The following EIF3F variants were observed in gnomAD, a reference collection of about 807,000 sequenced individuals.
The protein encoded by EIF3F is eukaryotic translation initiation factor 3 subunit F, also known as deubiquitinating enzyme eIF3f.
Under a neutral mutation model 36.0 loss-of-function variants are expected in EIF3F, and 8 were observed. That is an observed-to-expected ratio of 0.22 (90% CI 0.13 to 0.40). The LOEUF (loss-of-function observed/expected upper bound fraction) is 0.40. EIF3F is among the 10% of genes least tolerant of loss of function. The pLI, the probability that EIF3F is intolerant of heterozygous loss-of-function variation, is 1.00. For missense variants in EIF3F, 430 were observed against 467.6 expected (o/e 0.92, Z 0.74); for synonymous variants, 184 against 188.5 (o/e 0.98, Z 0.19).
rs1407022591 is a variant in EIF3F at position 7,987,385 on chromosome 11, T to C, written c.33T>C (p.Pro11=). The part of the protein sequence containing the change: MATPAVPVSA[P]PATPTPVPAA... ...CACCGGCGGTACCAGTAAGTGCTCC[T>C]CCGGCCACGCCAACCCCAGTCCCGG... The change falls in exon 1 of 8, where the codon CCT becomes CCC. Residue 11 remains proline, a synonymous_variant. Coordinates refer to ENST00000651655, the MANE Select transcript of EIF3F (RefSeq NM_003754.3). 2 of 1,598,894 alleles carry C rather than the reference T, an allele frequency of 1.3e-6. No individual in the cohort carries two copies. Among genetic ancestry groups the C allele is most frequent in the Non-Finnish European group, 8.5e-7 (1 of 1,178,954 alleles).
chr11:7,992,686 C>G, intron 3 of EIF3F: 2 of 673,032 alleles, frequency 3.0e-6, no homozygotes, highest in Non-Finnish European at 5.1e-6. Context: ...TTGTAAGTGA[C>G]TTGGAATTTT....
In EIF3F at chr11:7,997,108, G is replaced by T. The variant is rs1426821095; in HGVS notation, c.*1086G>T. The T allele has an allele frequency of 6.6e-6, 1 of 152,208 alleles. No homozygotes were observed. Among genetic ancestry groups the T allele is most frequent in the African/African-American group, 2.4e-5 (1 of 41,452 alleles). 9.4% of individuals were successfully genotyped at this position (152,208 alleles called of 1,614,324 possible). ...ACCCCAGCCTGGAACTCAGTTCTGA[G>T]ATATGTACCTCAGGAAATATAAGTT... On this transcript the variant is annotated 3_prime_UTR_variant, in exon 8 of 8. Coordinates refer to ENST00000651655, the MANE Select transcript of EIF3F (RefSeq NM_003754.3).
rs867715769 is a variant in EIF3F, at chr11:7,989,448, T to C, written c.364+1732T>C. Among the ~76,000 whole-genome samples the C allele has an allele frequency of 2.0e-5, 3 of 152,236 alleles. No homozygotes were observed. The South Asian group carries it at 6.2e-4, about 31-fold the overall frequency. On this transcript the variant is annotated intron_variant, in intron 1 of 7. Transcript: ENST00000651655. ...GCTATAGGTGTTATAGAGGCAATAC[T>C]TACAGAAGAATAAAGAATAGATTCT...
At chr11:7,995,144 G>C (rs202081105) in intron 6 of EIF3F, 26 bp downstream of exon 6, 683 of 1,612,274 alleles carry the variant, frequency 4.2e-4, no homozygotes, top group Middle Eastern at 1.6e-3. Context: ...AAAAACAAAG[G>C]GGGAGGACAT....
At chr11:7,992,725 T>G in intron 3 of EIF3F, 162 bp from the exon 4 acceptor site, 1 of 860,864 alleles carries the variant, frequency 1.2e-6, no homozygotes, top group Non-Finnish European at 1.8e-6. Flanking sequence ...CCTTTGATTT[T>G]ATTTGACATA....
At position 7,997,670 on chromosome 11, in the gene EIF3F, A is replaced by G. The variant is rs999296436; in HGVS notation, c.*1648A>G. 3 of 152,200 alleles carry G rather than the reference A, an allele frequency of 2.0e-5. No homozygotes were observed. The highest frequency in any genetic ancestry group is 4.4e-5 in the Non-Finnish European group (3 of 68,032). 9.4% of individuals were successfully genotyped at this position (152,200 alleles called of 1,614,324 possible). On this transcript the variant is annotated 3_prime_UTR_variant, in exon 8 of 8. Coordinates refer to ENST00000651655, the MANE Select transcript of EIF3F (RefSeq NM_003754.3). Reference sequence around the variant, plus strand: ...TGAGTAACAATATAGGTGAATGTTAATAATAATGTTGAATGAAAAAAGCTG... The same window carrying G: ...TGAGTAACAATATAGGTGAATGTTAGTAATAATGTTGAATGAAAAAAGCTG...
rs751012517 is a variant in EIF3F at position 7,992,867 on chromosome 11, CACT to C, written c.516-19_516-17del. ...ACGCCACATATAGACAGGAGTCCACCACTGTGTTCCATTTCACAGGTACGCTAC... is the reference window on the plus strand; with the variant it reads ...ACGCCACATATAGACAGGAGTCCACCGTGTTCCATTTCACAGGTACGCTAC... On this transcript the variant is annotated splice_polypyrimidine_tract_variant and intron_variant, in intron 3 of 7. Transcript: ENST00000651655. 2 of 1,613,734 alleles carry C rather than the reference CACT, an allele frequency of 1.2e-6. No individual in the cohort carries two copies. The highest frequency in any genetic ancestry group is 1.1e-5 in the South Asian group (1 of 91,068).
rs1942157089 is a variant in EIF3F at position 7,996,128 on chromosome 11, T to C, written c.*106T>C. 1.0e-6 allele frequency: 1 copy of C among 971,994 alleles called. No homozygotes were observed. Among genetic ancestry groups the C allele is most frequent in the Non-Finnish European group, 1.6e-6 (1 of 612,052 alleles). The allele number at this position is 971,994 out of a possible 1,614,324, so 60.2% of individuals were successfully genotyped here. On this transcript the variant is annotated 3_prime_UTR_variant, in exon 8 of 8. Transcript: ENST00000651655. The stretch of plus-strand genomic sequence containing the variant: ...TCTTGAGTCACACTGAGATAGTCAG[T>C]TGTGTGTGACTCTAATAAACGGAGC...
rs746986851 is a variant in EIF3F, at chr11:7,987,346, C to T, written c.-7C>T. 4 of 1,590,062 alleles carry T rather than the reference C, an allele frequency of 2.5e-6. No individual in the cohort carries two copies. Among genetic ancestry groups the T allele is most frequent in the South Asian group, 2.2e-5 (2 of 90,216 alleles). On this transcript the variant is annotated 5_prime_UTR_variant, in exon 1 of 8. Transcript: ENST00000651655. ...TTTCCGCTTCCGCCTCCTTCTTTCT[C>T]GACAAGATGGCCACACCGGCGGTAC...
In EIF3F at chr11:7,997,770, C is replaced by T. The variant is rs1200634294; in HGVS notation, c.*1748C>T. 2 of 152,196 alleles carry T rather than the reference C, an allele frequency of 1.3e-5. No individual in the cohort carries two copies. Among genetic ancestry groups the T allele is most frequent in the African/African-American group, 4.8e-5 (2 of 41,454 alleles). The allele number at this position is 152,196 out of a possible 1,614,324, so 9.4% of individuals were successfully genotyped here. ...GAAACTTGTTTAGACATGCGGTTGG[C>T]TGTCTGTATATGTGGGTTCCACATC... On this transcript the variant is annotated 3_prime_UTR_variant, in exon 8 of 8. Coordinates refer to ENST00000651655, the MANE Select transcript of EIF3F (RefSeq NM_003754.3).
At chr11:7,994,045 A>G (rs1441469960) in intron 4 of EIF3F, among the ~76,000 whole-genome samples, 2 of 152,158 alleles carry the variant, frequency 1.3e-5, no homozygotes, top group African/African-American at 4.8e-5. Flanking sequence ...TCCTTTTTCA[A>G]TGCTGATGAA....
intron 4 of EIF3F, among the ~76,000 whole-genome samples, chr11:7,993,852 C>T (rs2133672752): frequency 6.7e-6 from 1 of 148,630 alleles, no homozygotes; most frequent in African/African-American, 2.5e-5. Flanking sequence ...ATATATGGAT[C>T]CAGTATATAC....
At chr11:7,991,987 G>A (rs375040597) in intron 2 of EIF3F, 97 bp from the exon 3 acceptor site, 13 of 1,485,158 alleles carry the variant, frequency 8.8e-6, no homozygotes, top group East Asian at 6.8e-5. Flanking sequence ...TACTTCCTGG[G>A]CCTCTTCTGT....
At chr11:7,989,458 A>C (rs190816524) in intron 1 of EIF3F, among the ~76,000 whole-genome samples, 1 of 152,360 alleles carries the variant, frequency 6.6e-6, no homozygotes, top group African/African-American at 2.4e-5. Flanking sequence ...TTACAGAAGA[A>C]TAAAGAATAG....
Position 7,995,583 on chromosome 11 carries a change from T to C in EIF3F, c.996+216T>C, listed in dbSNP as rs559225128. The stretch of plus-strand genomic sequence containing the variant: ...TCTCCCATGATTCCATTGTCTCATT[T>C]ACTGCTGATACTACTGTGACTTACT... On this transcript the variant is annotated intron_variant, in intron 7 of 7. Transcript: ENST00000651655. 3.2e-5 allele frequency: 19 copies of C among 598,382 alleles called. 1 individual carries two copies. In the South Asian group the frequency reaches 3.6e-4, roughly 11 times the overall value. 37.1% of individuals were successfully genotyped at this position (598,382 alleles called of 1,614,324 possible). A position where few individuals can be genotyped will look rare whatever the true frequency, so the allele number is the denominator to read the frequency against.
chr11:7,995,853 T>C (rs1942154327), intron 7 of EIF3F, 92 bp from the exon 8 acceptor site: 4 of 962,226 alleles, frequency 4.2e-6, no homozygotes, highest in Admixed American at 3.4e-5. Flanking sequence ...GCTGTCCTCA[T>C]ACCCAGTGTC....
chr11:7,994,280 A>G (rs1266393057), intron 4 of EIF3F, 146 bp from the exon 5 acceptor site: 5 of 673,120 alleles, frequency 7.4e-6, no homozygotes, highest in East Asian at 5.5e-5. Context: ...TTTTGCTCCC[A>G]TGAGACCTCT....
chr11:7,987,898 ATC>A, intron 1 of EIF3F, 182 bp downstream of exon 1: 1 of 889,640 alleles, frequency 1.1e-6, no homozygotes, highest in Admixed American at 4.2e-5. Flanking sequence ...AAGCACTTGC[ATC>A]TCTCCTCTCT....
chr11:7,994,732 G>T (rs1482028183), intron 5 of EIF3F: 4 of 680,544 alleles, frequency 5.9e-6, no homozygotes, highest in Non-Finnish European at 9.8e-6. Context: ...CAGCACCAGA[G>T]GCCACATACC....
Sources: gnomAD v4.1 joint callset for allele counts (sites outside exome capture counted in the v4.1 genomes callset) on GRCh38, gnomAD v4.1.1 for gene constraint, MANE v1.5 for transcripts, NCBI Gene and HGNC (gene_info 2026-07-23, HGNC 2026-07-21) for gene names.